Variants in KCNC4 observed in about 807,000 individuals in gnomAD.
KCNC4 encodes the protein potassium voltage-gated channel subfamily C member 4, also known as voltage-gated potassium channel KCNC4.
In KCNC4, 23 loss-of-function variants were observed where a neutral mutation model predicts 42.8. The ratio of observed to expected loss-of-function variants is 0.54; its 90% CI spans 0.39 to 0.76. KCNC4 has a LOEUF of 0.76. Ranked by LOEUF, KCNC4 falls within the 30% of genes least tolerant of loss-of-function variation. The pLI, the probability that KCNC4 is intolerant of heterozygous loss-of-function variation, is 0.00. For missense variants in KCNC4, 751 were observed against 898.2 expected (o/e 0.84, Z 2.10); for synonymous variants, 422 against 393.5 (o/e 1.07, Z -0.86).
intron 1 of KCNC4, 47 bp downstream of exon 1, chr1:110,212,224 T>C: frequency 7.1e-7 from 1 of 1,403,224 alleles, no homozygotes; most frequent in Non-Finnish European, 9.2e-7. Flanking sequence ...CTGCAAGGGG[T>C]CCGTGGTGGG....
intron 2 of KCNC4, chr1:110,224,490 T>C (rs1268699449): frequency 1.3e-5 from 2 of 153,570 alleles, no homozygotes; most frequent in African/African-American, 4.8e-5. Flanking sequence ...GAGGCTGCCT[T>C]CTGTTCAGCA....
chr1:110,216,397 A>G (rs553599446), intron 1 of KCNC4, among the ~76,000 whole-genome samples: 17 of 152,330 alleles, frequency 1.1e-4, no homozygotes, highest in African/African-American at 4.1e-4. Context: ...GGCAGGGGCC[A>G]GGCTGAAGGC....
chr1:110,242,980 G>A (rs1330111609), exon 4 of KCNC4: 1 of 152,242 alleles, frequency 6.6e-6, no homozygotes, highest in Non-Finnish European at 1.5e-5. Context: ...CTTGTGAGCT[G>A]CGTGACCTTG....
chr1:110,230,714 C>T (rs1189684446), intron 3 of KCNC4, among the ~76,000 whole-genome samples: 1 of 152,232 alleles, frequency 6.6e-6, no homozygotes, highest in Non-Finnish European at 1.5e-5. Flanking sequence ...TCCCTCCTGG[C>T]TCTCTGGCTT....
chr1:110,258,643 C>T (rs1659376361), intron 1 of KCNC4, among the ~76,000 whole-genome samples: 1 of 152,188 alleles, frequency 6.6e-6, no homozygotes, highest in Admixed American at 6.5e-5. Flanking sequence ...TCAAATCATT[C>T]ACACAGATGA....
intron 1 of KCNC4, among the ~76,000 whole-genome samples, chr1:110,264,214 G>A (rs75976014): frequency 0.15 from 22,965 of 152,082 alleles, 1,777 homozygotes; most frequent in Admixed American, 0.18. Context: ...GCAAGGAGAC[G>A]GAGGTTACAG....
intron 1 of KCNC4, among the ~76,000 whole-genome samples, chr1:110,218,253 T>G (rs1657904727): frequency 6.6e-6 from 1 of 152,172 alleles, no homozygotes; most frequent in Non-Finnish European, 1.5e-5. Context: ...TATCATTTCT[T>G]TGCATCCTCA....
rs1658218350 is a variant in KCNC4 at position 110,223,419 on chromosome 1, C to T, written c.1134C>T (p.Thr378=). 3 of 1,613,944 alleles carry T rather than the reference C, an allele frequency of 1.9e-6. No individual in the cohort carries two copies. Among genetic ancestry groups the T allele is most frequent in the African/African-American group, 1.3e-5 (1 of 75,036 alleles). Reference sequence around the variant, plus strand: ...TGGGCCACACCCTGAGGGCCAGCACCAATGAGTTCCTGCTGCTTATCATCT... The same window carrying T: ...TGGGCCACACCCTGAGGGCCAGCACTAATGAGTTCCTGCTGCTTATCATCT... The part of the protein sequence containing the change: ...RVLGHTLRAS[T]NEFLLLIIFL... Residue 378 remains threonine, a synonymous_variant, in exon 2 of 4, where the codon ACC becomes ACT. Transcript: ENST00000438661. This position sits in a 1 kb window ranked among gnomAD's most constrained non-coding sequence, Gnocchi z 7.5.
intron 1 of KCNC4, chr1:110,222,707 G>C: frequency 2.0e-6 from 1 of 492,730 alleles, no homozygotes; most frequent in Non-Finnish European, 3.7e-6. Flanking sequence ...AGCAGCTGTA[G>C]ATACCTGACC....
Position 110,211,364 on chromosome 1 carries a change from C to T in KCNC4, c.-136C>T. 7.5e-7 allele frequency: 1 copy of T among 1,338,412 alleles called. No individual in the cohort carries two copies. 82.9% of individuals were successfully genotyped at this position (1,338,412 alleles called of 1,614,324 possible). The stretch of plus-strand genomic sequence containing the variant: ...CCTAGGGGGATAGGCAGGGGCAAGC[C>T]CAAGCCGCAGAGGGGGCCGCCACCG... On this transcript the variant is annotated 5_prime_UTR_variant, in exon 1 of 4. Coordinates refer to ENST00000438661, the MANE Select transcript of KCNC4 (RefSeq NM_001039574.3). The surrounding 1 kb of genome is among the most constrained non-coding windows in gnomAD (Gnocchi z 6.5).
chr1:110,257,757 G>GT (rs1355443774), intron 1 of KCNC4, among the ~76,000 whole-genome samples: 1 of 148,766 alleles, frequency 6.7e-6, no homozygotes, highest in African/African-American at 2.5e-5. Flanking sequence ...AGAGGCAGGT[G>GT]TTCCAGGGCT....
downstream of KCNC4, among the ~76,000 whole-genome samples, chr1:110,251,763 G>A (rs1470880558): frequency 6.6e-6 from 1 of 152,236 alleles, no homozygotes; most frequent in East Asian, 1.9e-4. Context: ...CCCTATGAGA[G>A]GAGCAGGGCA....
In KCNC4 at chr1:110,223,155, G is replaced by C. The variant is rs1267513932; in HGVS notation, c.870G>C (p.Leu290=). 4.3e-6 allele frequency: 7 copies of C among 1,614,250 alleles called. No individual in the cohort carries two copies. Among genetic ancestry groups the C allele is most frequent in the Middle Eastern group, 1.6e-4 (1 of 6,062 alleles). ...ILTYIEGVCV[L]WFTLEFLVRI... ...CCTACATCGAGGGCGTATGTGTGCT[G>C]TGGTTCACACTGGAGTTCCTGGTGC... Residue 290 remains leucine (L), a synonymous_variant, in exon 2 of 4, where the codon CTG becomes CTC. Coordinates refer to ENST00000438661, the MANE Select transcript of KCNC4 (RefSeq NM_001039574.3). The surrounding 1 kb of genome is among the most constrained non-coding windows in gnomAD (Gnocchi z 7.5).
chr1:110,255,625 G>A (rs1659316685), intron 1 of KCNC4, among the ~76,000 whole-genome samples: 1 of 152,096 alleles, frequency 6.6e-6, no homozygotes, highest in Non-Finnish European at 1.5e-5. Flanking sequence ...TTTCCATTCA[G>A]TGTCTCAAAA....
chr1:110,211,969 C>T lies in KCNC4; in HGVS notation c.470C>T (p.Ala157Val), dbSNP rs200864094. The T allele has an allele frequency of 6.1e-5, 99 of 1,611,012 alleles. No homozygotes were observed. The East Asian group carries it at 2.2e-3, about 36-fold the overall frequency. Reference sequence around the variant, plus strand: ...CGGCAGCACCGCGACGCCGAGGAGGCGCTCGACATCTTCGAGAGCCCGGAC... The same window carrying T: ...CGGCAGCACCGCGACGCCGAGGAGGTGCTCGACATCTTCGAGAGCCCGGAC... ...TYRQHRDAEE[A>V]LDIFESPDGG... The change falls in exon 1 of 4, where the codon GCG becomes GTG. Residue 157 changes from alanine to valine, a missense_variant. By Grantham distance (64) the Ala-to-Val change is moderately conservative (BLOSUM62 0). Transcript: ENST00000438661. This position sits in a 1 kb window ranked among gnomAD's most constrained non-coding sequence, Gnocchi z 6.5.
chr1:110,252,442 C>A (rs1463676734), downstream of KCNC4, among the ~76,000 whole-genome samples: 2 of 152,126 alleles, frequency 1.3e-5, no homozygotes, highest in African/African-American at 2.4e-5. Flanking sequence ...GCCTGGTTAA[C>A]TCACTGGCTC....
At position 110,216,621 on chromosome 1, in the gene KCNC4, G is replaced by A. The variant is rs564701602; in HGVS notation, c.678+4444G>A. ...TTTTGGAGACTCGGGGGAAGAGCAG[G>A]CAGGCAGGAGCAGAGCCAGGCAGCT... On this transcript the variant is annotated intron_variant, in intron 1 of 3. Coordinates refer to ENST00000438661, the MANE Select transcript of KCNC4 (RefSeq NM_001039574.3). Among the ~76,000 whole-genome samples the A allele has an allele frequency of 1.3e-3, 205 of 152,284 alleles. 2 individuals are homozygous for A. Among genetic ancestry groups the A allele is most frequent in the African/African-American group, 4.8e-3 (201 of 41,552 alleles).
rs146170254 is a variant in KCNC4, at chr1:110,266,352, C to A, written n.31-16182C>A. Among the ~76,000 whole-genome samples the A allele has an allele frequency of 1.1e-3, 171 of 152,280 alleles. 1 individual carries two copies. Among genetic ancestry groups the A allele is most frequent in the African/African-American group, 4.1e-3 (169 of 41,558 alleles). ...GGAGGGGAGGGGCTGGAGTGCAGAA[C>A]AAACCTGGTCCCACAAATAAATCCA... is the stretch of plus-strand genomic sequence containing the variant. On this transcript the variant is annotated intron_variant and non_coding_transcript_variant, in intron 1 of 2. Coordinates refer to the KCNC4 transcript ENST00000412512.
chr1:110,226,306 C>T (rs1391812971), intron 3 of KCNC4, 128 bp downstream of exon 3: 3 of 737,484 alleles, frequency 4.1e-6, no homozygotes, highest in Non-Finnish European at 2.4e-6. Context: ...CTTGGATGCA[C>T]CCCCACTTTT....
Sources: allele counts gnomAD v4.1 joint callset (sites outside exome capture counted in the v4.1 genomes callset), GRCh38; gene constraint gnomAD v4.1.1; non-coding constraint Gnocchi (gnomAD v3.1); transcripts MANE v1.5; gene names NCBI Gene and HGNC (gene_info 2026-07-23, HGNC 2026-07-21).